Variants in ITGAV observed in about 807,000 individuals in gnomAD.
The protein encoded by ITGAV is integrin alpha-V.
A neutral mutation model predicts 143.8 loss-of-function variants in ITGAV; 76 were observed. The ratio of observed to expected loss-of-function variants is 0.53; its 90% CI spans 0.44 to 0.64. The LOEUF is 0.64. Ranked by LOEUF, ITGAV falls within the 30% of genes least tolerant of loss-of-function variation. The probability of loss-of-function intolerance (pLI) is 0.00; values close to 1 mark genes in which losing one functional copy is unlikely to be tolerated. For synonymous variants in ITGAV, 453 were observed against 446.7 expected (o/e 1.01, Z -0.18); for missense variants, 1,193 against 1,274.7 (o/e 0.94, Z 0.98).
At position 186,641,458 on chromosome 2, in the gene ITGAV, GC is replaced by G; in HGVS notation, c.1030del (p.Gln344ArgfsTer18). 1 of 1,614,170 alleles carries G rather than the reference GC, an allele frequency of 6.2e-7. No homozygotes were observed. Among genetic ancestry groups the G allele is most frequent in the Non-Finnish European group, 8.5e-7 (1 of 1,180,010 alleles). ...CTGATGGCAAACTCCAAGAGGTGGG[GC>G]AGGTCTCAGTGTCTCTACAGAGAGC... is the stretch of plus-strand genomic sequence containing the variant. ...GSDGKLQEVG[Q>X]VSVSLQRASG... On this transcript the variant is annotated frameshift_variant, in exon 12 of 30. Coordinates refer to ENST00000261023, the MANE Select transcript of ITGAV (RefSeq NM_002210.5). LOFTEE classifies it high-confidence loss of function.
intron 2 of ITGAV, among the ~76,000 whole-genome samples, chr2:186,605,227 A>G (rs1376073681): frequency 1.3e-5 from 2 of 152,146 alleles, no homozygotes; most frequent in African/African-American, 4.8e-5. Flanking sequence ...CCAGCCCAAA[A>G]TGACCAGGGG....
intron 1 of ITGAV, among the ~76,000 whole-genome samples, chr2:186,599,051 T>C (rs1459742989): frequency 6.6e-6 from 1 of 152,196 alleles, no homozygotes; most frequent in Non-Finnish European, 1.5e-5. Context: ...GTGAATGCAT[T>C]CCATATTTAA....
chr2:186,626,778 G>C (rs1482562541), intron 4 of ITGAV, among the ~76,000 whole-genome samples: 1 of 152,142 alleles, frequency 6.6e-6, no homozygotes, highest in South Asian at 2.1e-4. Context: ...AGGTTAGAAA[G>C]CATACACTGC....
chr2:186,662,053 C>CT (rs1292310947), intron 18 of ITGAV, among the ~76,000 whole-genome samples: 3 of 152,046 alleles, frequency 2.0e-5, no homozygotes, highest in African/African-American at 7.2e-5. Flanking sequence ...CAGCTAAGTC[C>CT]TTTTTTTCCC....
intron 17 of ITGAV, among the ~76,000 whole-genome samples, chr2:186,657,174 C>T (rs1485761123): frequency 6.6e-6 from 1 of 152,112 alleles, no homozygotes; most frequent in South Asian, 2.1e-4. Flanking sequence ...GCAGGAGGAT[C>T]ACTTGAGGCC....
chr2:186,656,206 C>T (rs375241212), intron 16 of ITGAV, 41 bp from the exon 17 acceptor site: 2 of 1,462,028 alleles, frequency 1.4e-6, no homozygotes, highest in African/African-American at 1.5e-5. Context: ...GATAGATGTC[C>T]ATAAAGAATA....
intron 2 of ITGAV, among the ~76,000 whole-genome samples, chr2:186,602,614 C>T (rs568903144): frequency 1.3e-5 from 2 of 152,328 alleles, no homozygotes; most frequent in South Asian, 4.1e-4. Context: ...CATAGTGGCT[C>T]ACGCCTGTAA....
chr2:186,609,327 T>TTG (rs1303658769), intron 2 of ITGAV, among the ~76,000 whole-genome samples: 1 of 152,166 alleles, frequency 6.6e-6, no homozygotes, highest in Non-Finnish European at 1.5e-5. Flanking sequence ...TAACTGTTGC[T>TTG]TGTCACGTGC....
chr2:186,652,407 C>G (rs1688460861), intron 15 of ITGAV, among the ~76,000 whole-genome samples: 1 of 152,000 alleles, frequency 6.6e-6, no homozygotes, highest in South Asian at 2.1e-4. Flanking sequence ...TCAGGTTGGT[C>G]TCGAAGACCG....
At chr2:186,662,514 G>A (rs964077384) in intron 18 of ITGAV, among the ~76,000 whole-genome samples, 1 of 152,162 alleles carries the variant, frequency 6.6e-6, no homozygotes. Flanking sequence ...AACGTTAAAA[G>A]CTGATGCTTA....
chr2:186,606,541 T>G (rs1687070559), intron 2 of ITGAV, among the ~76,000 whole-genome samples: 1 of 152,190 alleles, frequency 6.6e-6, no homozygotes, highest in South Asian at 2.1e-4. Flanking sequence ...TCCTCCCTTT[T>G]GCCTTCTTAG....
chr2:186,669,513 T>C (rs1311820562), intron 25 of ITGAV, among the ~76,000 whole-genome samples, 188 bp from the exon 26 acceptor site: 1 of 152,244 alleles, frequency 6.6e-6, no homozygotes, highest in Non-Finnish European at 1.5e-5. Context: ...ACTTTTTTGG[T>C]ACATATTAAA....
chr2:186,639,225 T>C (rs1688037465), intron 10 of ITGAV, among the ~76,000 whole-genome samples: 1 of 152,222 alleles, frequency 6.6e-6, no homozygotes, highest in African/African-American at 2.4e-5. Context: ...AATTATACCA[T>C]AAGTTGGTAA....
chr2:186,645,877 C>A (rs2105718055), intron 12 of ITGAV, among the ~76,000 whole-genome samples: 1 of 152,088 alleles, frequency 6.6e-6, no homozygotes, highest in Non-Finnish European at 1.5e-5. Flanking sequence ...GAGGCTAAGG[C>A]AGGAGAATGG....
At chr2:186,655,758 T>C (rs1688565952) in intron 16 of ITGAV, among the ~76,000 whole-genome samples, 1 of 152,160 alleles carries the variant, frequency 6.6e-6, no homozygotes, top group Admixed American at 6.6e-5. Flanking sequence ...CATCTGACAG[T>C]TTGATATGAT....
At chr2:186,636,936 G>T in intron 7 of ITGAV, 129 bp from the exon 8 acceptor site, 1 of 717,666 alleles carries the variant, frequency 1.4e-6, no homozygotes, top group South Asian at 1.7e-5. Context: ...AATCTGTTAT[G>T]ACTAGGGGAC....
chr2:186,665,057 A>C (rs188276165), intron 20 of ITGAV, 69 bp from the exon 21 acceptor site: 1 of 1,027,746 alleles, frequency 9.7e-7, no homozygotes, highest in East Asian at 2.5e-5. Flanking sequence ...AAGAAACTGA[A>C]ATATCCAACT....
chr2:186,605,584 C>T (rs3911239), intron 2 of ITGAV, among the ~76,000 whole-genome samples: 93,817 of 151,618 alleles, frequency 0.62, 29,615 homozygotes, highest in East Asian at 0.8. Flanking sequence ...CCATGAGGAC[C>T]GTTTTTTATC....
chr2:186,602,016 T>G lies in ITGAV; in HGVS notation c.186-5T>G, dbSNP rs1686921981. ...AAACTTTGGTCTGCCGCTTTTGTAT[T>G]TTAGCCGGATGTTTCTTCTCGTGGG... is the stretch of plus-strand genomic sequence containing the variant. On this transcript the variant is annotated splice_region_variant and splice_polypyrimidine_tract_variant and intron_variant, in intron 1 of 29. Coordinates refer to ENST00000261023, the MANE Select transcript of ITGAV (RefSeq NM_002210.5). 3 of 1,605,028 alleles carry G rather than the reference T, an allele frequency of 1.9e-6. No individual in the cohort carries two copies. The highest frequency in any genetic ancestry group is 2.5e-6 in the Non-Finnish European group (3 of 1,176,894).
Sources: gnomAD v4.1 joint callset for allele counts (sites outside exome capture counted in the v4.1 genomes callset) on GRCh38, gnomAD v4.1.1 for gene constraint, MANE v1.5 for transcripts, NCBI Gene and HGNC (gene_info 2026-07-23, HGNC 2026-07-21) for gene names.